The following ATP8A2 variants were observed in gnomAD, a reference collection of about 807,000 sequenced individuals.
ATP8A2 encodes ATPase phospholipid transporting 8A2, also known as phospholipid-transporting ATPase IB.
A neutral mutation model predicts 165.6 loss-of-function variants in ATP8A2; 100 were observed. The observed-to-expected ratio is 0.60, with a 90% CI of 0.51 to 0.71. The LOEUF (loss-of-function observed/expected upper bound fraction) is 0.71, where lower values mean the gene tolerates loss of function less well. Ranked by LOEUF, ATP8A2 falls within the 30% of genes least tolerant of loss-of-function variation. The probability of loss-of-function intolerance (pLI) is 0.00; values close to 1 mark genes in which losing one functional copy is unlikely to be tolerated. For synonymous variants in ATP8A2, 543 were observed against 548.8 expected (o/e 0.99, Z 0.15); for missense variants, 1,227 against 1,479.5 (o/e 0.83, Z 2.80).
At chr13:25,797,420 A>G (rs1455874155) in intron 27 of ATP8A2, among the ~76,000 whole-genome samples, 2 of 152,214 alleles carry the variant, frequency 1.3e-5, no homozygotes, top group African/African-American at 4.8e-5. Context: ...TACACCTAAT[A>G]TGTATCCACG....
intron 1 of ATP8A2, among the ~76,000 whole-genome samples, chr13:25,427,044 C>T (rs1331495505): frequency 6.6e-6 from 1 of 152,120 alleles, no homozygotes; most frequent in Non-Finnish European, 1.5e-5. Flanking sequence ...AGGGGGAAAG[C>T]CAGAGGGGGT....
chr13:25,705,811 T>C (rs760982122), intron 25 of ATP8A2, among the ~76,000 whole-genome samples: 13 of 152,248 alleles, frequency 8.5e-5, no homozygotes, highest in South Asian at 4.1e-4. Context: ...ACACTTTTCA[T>C]TGGACGAAGG....
In ATP8A2 at chr13:26,024,265, A is replaced by G. The variant is rs977883541; in HGVS notation, c.*4280A>G. The G allele has an allele frequency of 1.4e-4, 21 of 152,242 alleles. 1 individual carries two copies. Among genetic ancestry groups the G allele is most frequent in the African/African-American group, 4.6e-4 (19 of 41,536 alleles). The allele number at this position is 152,242 out of a possible 1,614,324, so 9.4% of individuals were successfully genotyped here. On this transcript the variant is annotated 3_prime_UTR_variant, in exon 37 of 37. Coordinates refer to ENST00000381655, the MANE Select transcript of ATP8A2 (RefSeq NM_016529.6). ...GACCCCCATAATGACATCATTAGGCATTCTTGAAAGGTGTTAACAGACCAG... is the reference window on the plus strand; with the variant it reads ...GACCCCCATAATGACATCATTAGGCGTTCTTGAAAGGTGTTAACAGACCAG...
intron 6 of ATP8A2, among the ~76,000 whole-genome samples, chr13:25,535,363 T>C (rs990464209): frequency 1.3e-5 from 2 of 152,194 alleles, no homozygotes; most frequent in Admixed American, 6.5e-5. Flanking sequence ...TGGCTTTGAT[T>C]GACTTCGAGA....
chr13:25,576,519 G>A (rs1382587856), intron 19 of ATP8A2, among the ~76,000 whole-genome samples: 1 of 152,160 alleles, frequency 6.6e-6, no homozygotes, highest in Non-Finnish European at 1.5e-5. Flanking sequence ...CGGTGAGTGA[G>A]GATGGGCCAT....
intron 1 of ATP8A2, among the ~76,000 whole-genome samples, chr13:25,447,766 T>C (rs560175215): frequency 4.6e-5 from 7 of 152,292 alleles, no homozygotes; most frequent in Non-Finnish European, 8.8e-5. Flanking sequence ...TCAGGTCACA[T>C]GGACTCGAAG....
At chr13:25,772,281 A>G (rs372663010) in intron 26 of ATP8A2, among the ~76,000 whole-genome samples, 4 of 152,054 alleles carry the variant, frequency 2.6e-5, no homozygotes, top group African/African-American at 7.2e-5. Flanking sequence ...GATTTAGAAT[A>G]TACATTTTTT....
intron 24 of ATP8A2, among the ~76,000 whole-genome samples, chr13:25,669,518 T>G (rs2042221126): frequency 6.6e-6 from 1 of 152,244 alleles, no homozygotes; most frequent in South Asian, 2.1e-4. Flanking sequence ...AACCCACAGA[T>G]CCACCAGTGG....
chr13:25,653,576 C>A (rs926134801), intron 24 of ATP8A2, among the ~76,000 whole-genome samples: 5 of 152,174 alleles, frequency 3.3e-5, no homozygotes, highest in Non-Finnish European at 4.4e-5. Context: ...ATATATCAAA[C>A]CTGCCCATGT....
chr13:25,852,128 G>A (rs1008811004), intron 30 of ATP8A2, among the ~76,000 whole-genome samples: 1 of 152,160 alleles, frequency 6.6e-6, no homozygotes, highest in Non-Finnish European at 1.5e-5. Flanking sequence ...TTCAGTGTAT[G>A]TTCTCTGTAT....
At chr13:25,577,315 C>T (rs1197671998) in intron 20 of ATP8A2, among the ~76,000 whole-genome samples, 177 bp downstream of exon 20, 10 of 152,140 alleles carry the variant, frequency 6.6e-5, no homozygotes, top group Admixed American at 6.5e-4. Flanking sequence ...AATGGTGGTT[C>T]AGGGCAGTGT....
intron 35 of ATP8A2, among the ~76,000 whole-genome samples, chr13:26,011,577 G>A (rs1339766980): frequency 2.6e-5 from 4 of 152,174 alleles, no homozygotes; most frequent in Non-Finnish European, 5.9e-5. Flanking sequence ...ATGAGAGCCT[G>A]ATAGTAAAAA....
At chr13:25,475,980 CTGTT>C (rs1478738017) in intron 2 of ATP8A2, among the ~76,000 whole-genome samples, 1 of 152,190 alleles carries the variant, frequency 6.6e-6, no homozygotes, top group Non-Finnish European at 1.5e-5. Flanking sequence ...TCTGTTCACT[CTGTT>C]TGATGGTTTA....
chr13:25,836,346 C>T (rs1270788436), intron 28 of ATP8A2, among the ~76,000 whole-genome samples: 1 of 152,192 alleles, frequency 6.6e-6, no homozygotes, highest in African/African-American at 2.4e-5. Flanking sequence ...CGTTGTTCAA[C>T]ACCTCCAAAC....
intron 10 of ATP8A2, among the ~76,000 whole-genome samples, 169 bp downstream of exon 10, chr13:25,543,571 G>A (rs749615277): frequency 2.0e-5 from 3 of 152,084 alleles, no homozygotes; most frequent in African/African-American, 4.8e-5. Context: ...CTAGATTTCT[G>A]TTCTCTTATC....
intron 18 of ATP8A2, among the ~76,000 whole-genome samples, chr13:25,572,114 A>G (rs1211408957): frequency 7.8e-6 from 1 of 128,644 alleles, no homozygotes; most frequent in Non-Finnish European, 1.7e-5. Flanking sequence ...GAGAGGAGTC[A>G]GCGTTAAGAT....
intron 25 of ATP8A2, among the ~76,000 whole-genome samples, chr13:25,758,646 C>G (rs1479860402): frequency 6.6e-6 from 1 of 152,170 alleles, no homozygotes; most frequent in Non-Finnish European, 1.5e-5. Context: ...CTATATTCAT[C>G]CACCTGCCAC....
At position 26,020,126 on chromosome 13, in the gene ATP8A2, T is replaced by G; in HGVS notation, c.*141T>G. On this transcript the variant is annotated 3_prime_UTR_variant, in exon 37 of 37. Coordinates refer to ENST00000381655, the MANE Select transcript of ATP8A2 (RefSeq NM_016529.6). ...TCTGTGGCCTTAGCCAAGCAGTTTG[T>G]TAGTTACATATTCCCTCGCAAACCT... The G allele has an allele frequency of 1.5e-6, 1 of 658,650 alleles. No individual in the cohort carries two copies. Among genetic ancestry groups the G allele is most frequent in the Non-Finnish European group, 2.6e-6 (1 of 378,402 alleles). The allele number at this position is 658,650 out of a possible 1,614,324, so 40.8% of individuals were successfully genotyped here. A position where few individuals can be genotyped will look rare whatever the true frequency, so the allele number is the denominator to read the frequency against.
intron 33 of ATP8A2, among the ~76,000 whole-genome samples, chr13:25,908,974 G>C (rs1274394021): frequency 6.6e-6 from 1 of 152,200 alleles, no homozygotes; most frequent in Non-Finnish European, 1.5e-5. Context: ...TTTTTAAAGT[G>C]TGGATTTAAA....
Sources: gnomAD v4.1 joint callset for allele counts (sites outside exome capture counted in the v4.1 genomes callset) on GRCh38, gnomAD v4.1.1 for gene constraint, MANE v1.5 for transcripts, NCBI Gene and HGNC (gene_info 2026-07-23, HGNC 2026-07-21) for gene names.